Variants in SNX29 observed in about 807,000 individuals in gnomAD.
SNX29 encodes the protein sorting nexin 29, also known as sorting nexin-29.
Under a neutral mutation model 102.1 loss-of-function variants are expected in SNX29, and 78 were observed. The ratio of observed to expected loss-of-function variants is 0.76; its 90% CI spans 0.64 to 0.92. SNX29 has a LOEUF of 0.92. Among genes scored for constraint, SNX29 ranks in the 40% least tolerant of loss-of-function variants. SNX29 has a pLI of 0.00. For missense variants in SNX29, 1,280 were observed against 1,061.7 expected (o/e 1.21, Z -2.86); for synonymous variants, 580 against 414.5 (o/e 1.40, Z -4.85).
chr16:12,571,431 T>G lies in SNX29; in HGVS notation c.*2802T>G, dbSNP rs938145762. The G allele has an allele frequency of 4.3e-6, 1 of 234,668 alleles. No individual in the cohort carries two copies. The highest frequency in any genetic ancestry group is 6.1e-5 in the East Asian group (1 of 16,364). The allele number at this position is 234,668 out of a possible 1,614,324, so 14.5% of individuals were successfully genotyped here. ...CACATCTGTCTTCTTCTAAGATTAC[T>G]CGGAGATTTTCAAACAACATCTGAG... On this transcript the variant is annotated 3_prime_UTR_variant, in exon 21 of 21. Transcript: ENST00000566228.
At chr16:12,313,357 G>C (rs964819561) in intron 15 of SNX29, among the ~76,000 whole-genome samples, 1 of 152,146 alleles carries the variant, frequency 6.6e-6, no homozygotes, top group African/African-American at 2.4e-5. Context: ...ATGTGTCTGT[G>C]AAGTAAGGAT....
At chr16:12,214,293 G>T (rs951171452) in intron 14 of SNX29, among the ~76,000 whole-genome samples, 2 of 152,190 alleles carry the variant, frequency 1.3e-5, no homozygotes. Flanking sequence ...CTCCCTCCTC[G>T]GAAGGAGGCC....
intron 13 of SNX29, among the ~76,000 whole-genome samples, chr16:12,166,661 G>A (rs1171277259): frequency 1.3e-5 from 2 of 152,102 alleles, no homozygotes; most frequent in Non-Finnish European, 2.9e-5. Flanking sequence ...ACAGCTCCTG[G>A]AAAACCCAAA....
chr16:12,188,081 G>T (rs773371154), intron 13 of SNX29, among the ~76,000 whole-genome samples: 20 of 152,146 alleles, frequency 1.3e-4, no homozygotes, highest in Non-Finnish European at 4.4e-5. Flanking sequence ...TCACTCCCTA[G>T]GAGAAAATAG....
intron 15 of SNX29, among the ~76,000 whole-genome samples, chr16:12,353,552 A>G (rs1372974561): frequency 6.6e-6 from 1 of 152,180 alleles, no homozygotes; most frequent in Non-Finnish European, 1.5e-5. Flanking sequence ...GCCCAGGCCC[A>G]TCTTGCACCA....
chr16:12,058,832 G>T (rs1350966849), intron 8 of SNX29, among the ~76,000 whole-genome samples: 2 of 136,414 alleles, frequency 1.5e-5, no homozygotes, highest in African/African-American at 5.5e-5. Context: ...TTTCTCTGTG[G>T]CCCAGGCTGG....
chr16:12,283,144 A>T (rs1233903057), intron 15 of SNX29, among the ~76,000 whole-genome samples: 4 of 152,150 alleles, frequency 2.6e-5, no homozygotes, highest in African/African-American at 9.7e-5. Context: ...GTGCACATCC[A>T]TTGAGCGCCT....
At chr16:12,468,725 C>G (rs1007811924) in intron 18 of SNX29, among the ~76,000 whole-genome samples, 1 of 152,172 alleles carries the variant, frequency 6.6e-6, no homozygotes, top group African/African-American at 2.4e-5. Flanking sequence ...TACAACAGGC[C>G]ACCTGGTGGT....
intron 8 of SNX29, among the ~76,000 whole-genome samples, chr16:12,054,486 A>G (rs1040450127): frequency 1.3e-5 from 2 of 152,188 alleles, no homozygotes; most frequent in African/African-American, 2.4e-5. Context: ...ACCTCATCCA[A>G]TCCATTGAAG....
intron 15 of SNX29, among the ~76,000 whole-genome samples, chr16:12,298,760 G>T (rs1195312997): frequency 6.6e-6 from 1 of 152,118 alleles, no homozygotes; most frequent in Non-Finnish European, 1.5e-5. Flanking sequence ...GGTTAGATGT[G>T]GGTGTCCCCA....
chr16:11,985,240 C>G (rs149880386), intron 1 of SNX29, among the ~76,000 whole-genome samples: 7 of 152,104 alleles, frequency 4.6e-5, no homozygotes, highest in African/African-American at 1.7e-4. Context: ...GTTCAACATT[C>G]AGCAAACATT....
intron 15 of SNX29, among the ~76,000 whole-genome samples, chr16:12,332,775 C>T (rs1469961687): frequency 2.0e-5 from 3 of 152,248 alleles, no homozygotes; most frequent in East Asian, 3.9e-4. Flanking sequence ...GTTCTTCTGG[C>T]CTCTGGTCTC....
At chr16:12,279,236 G>C (rs1015695836) in intron 15 of SNX29, among the ~76,000 whole-genome samples, 5 of 152,210 alleles carry the variant, frequency 3.3e-5, no homozygotes, top group African/African-American at 1.2e-4. Context: ...AGACATACCT[G>C]AGCTTGGGTG....
Position 12,572,659 on chromosome 16 carries a change from A to C in SNX29, c.*4030A>C. 1 of 1,063,918 alleles carries C rather than the reference A, an allele frequency of 9.4e-7. No homozygotes were observed. Among genetic ancestry groups the C allele is most frequent in the African/African-American group, 1.6e-5 (1 of 61,042 alleles). 65.9% of individuals were successfully genotyped at this position (1,063,918 alleles called of 1,614,324 possible). On this transcript the variant is annotated 3_prime_UTR_variant, in exon 21 of 21. Transcript: ENST00000566228. ...CATTCCTCCACCAAGCTCCTGTGTG[A>C]GCTGCAGCACCCACACGGGGGAAGC... is the stretch of plus-strand genomic sequence containing the variant.
At chr16:12,424,457 T>C (rs1475890049) in intron 18 of SNX29, among the ~76,000 whole-genome samples, 2 of 152,202 alleles carry the variant, frequency 1.3e-5, no homozygotes, top group East Asian at 3.9e-4. Context: ...TATTCTGTCT[T>C]AGGGCCCTTC....
At chr16:12,557,548 G>C (rs1449153332) in intron 20 of SNX29, 1 of 152,116 alleles carries the variant, frequency 6.6e-6, no homozygotes, top group Non-Finnish European at 1.5e-5. Context: ...TTTCAGTAGA[G>C]ACAGCATTTC....
chr16:12,020,296 T>G (rs2056980066), intron 3 of SNX29, among the ~76,000 whole-genome samples: 1 of 152,110 alleles, frequency 6.6e-6, no homozygotes, highest in Non-Finnish European at 1.5e-5. Context: ...GGCTAATTTT[T>G]TTATTTTTTG....
intron 20 of SNX29, chr16:12,557,765 GAT>G (rs1374823124): frequency 6.6e-6 from 1 of 152,176 alleles, no homozygotes; most frequent in Non-Finnish European, 1.5e-5. Context: ...CTAAGCAACA[GAT>G]ATTTTTCAGC....
intron 14 of SNX29, among the ~76,000 whole-genome samples, chr16:12,213,955 A>T (rs531457814): frequency 6.8e-4 from 104 of 152,234 alleles, no homozygotes; most frequent in African/African-American, 2.3e-3. Context: ...GGAGTCAGGG[A>T]TGGAGGGTGC....
Sources: allele counts gnomAD v4.1 joint callset (sites outside exome capture counted in the v4.1 genomes callset), GRCh38; gene constraint gnomAD v4.1.1; transcripts MANE v1.5; gene names NCBI Gene and HGNC (gene_info 2026-07-23, HGNC 2026-07-21).